Variants in HSPA12A observed in about 807,000 individuals in gnomAD.
HSPA12A encodes heat shock protein family A (Hsp70) member 12A.
In HSPA12A, 28 loss-of-function variants were observed where a neutral mutation model predicts 69.2. The observed-to-expected ratio is 0.40, with a 90% CI of 0.30 to 0.55. HSPA12A has a LOEUF of 0.55. HSPA12A is among the 20% of genes least tolerant of loss of function. The pLI is 0.38. For synonymous variants in HSPA12A, 345 were observed against 370.5 expected, an observed-to-expected ratio of 0.93 and a Z score of 0.79; for missense variants, 686 against 900.7, an observed-to-expected ratio of 0.76 and a Z score of 3.05.
chr10:116,840,210 T>C (rs1190784150), intron 1 of HSPA12A, among the ~76,000 whole-genome samples: 1 of 152,190 alleles, frequency 6.6e-6, no homozygotes, highest in Non-Finnish European at 1.5e-5. Context: ...TTTCCAACAT[T>C]CGGTTTATAA....
intron 5 of HSPA12A, among the ~76,000 whole-genome samples, chr10:116,696,599 G>C (rs1469296358): frequency 6.6e-6 from 1 of 152,096 alleles, no homozygotes; most frequent in African/African-American, 2.4e-5. Context: ...TTTATTAGCA[G>C]CATTAGAACA....
At chr10:116,677,981 ATTC>A (rs1849287434) in intron 10 of HSPA12A, among the ~76,000 whole-genome samples, 1 of 98,792 alleles carries the variant, frequency 1.0e-5, no homozygotes, top group Admixed American at 1.1e-4. Context: ...TAGGAAATTG[ATTC>A]TTTTTTTTTT....
intron 10 of HSPA12A, 27 bp downstream of exon 10, chr10:116,679,476 G>C: frequency 6.2e-7 from 1 of 1,608,434 alleles, no homozygotes; most frequent in South Asian, 1.1e-5. Flanking sequence ...AGAATGTCCA[G>C]AGCCCGAGGT....
Position 116,707,023 on chromosome 10 carries a change from T to C in HSPA12A, c.126+177A>G, listed in dbSNP as rs967842524. Among the ~76,000 whole-genome samples the C allele has an allele frequency of 2.6e-5, 4 of 152,342 alleles. 1 individual carries two copies. The South Asian group carries it at 8.3e-4, about 32-fold the overall frequency. ...GGGAAGGGGCTTGGCAGGGCTCCTTTGGCCAGGACCAGGTCAACTTAATCT... is the reference window on the plus strand; with the variant it reads ...GGGAAGGGGCTTGGCAGGGCTCCTTCGGCCAGGACCAGGTCAACTTAATCT... On this transcript the variant is annotated intron_variant, in intron 2 of 11. Transcript: ENST00000369209.
exon 1 of HSPA12A, chr10:116,849,600 A>AC: frequency 6.5e-7 from 1 of 1,548,538 alleles, no homozygotes; most frequent in Non-Finnish European, 8.7e-7. Context: ...CAGCTGTGGG[A>AC]CCACTAGGGA....
chr10:116,719,357 G>T (rs1850704770), intron 1 of HSPA12A, among the ~76,000 whole-genome samples: 1 of 152,188 alleles, frequency 6.6e-6, no homozygotes, highest in African/African-American at 2.4e-5. Flanking sequence ...ACGCACAGGG[G>T]CGTGAGGCCA....
intron 2 of HSPA12A, among the ~76,000 whole-genome samples, chr10:116,782,423 T>C (rs1638405): frequency 1 from 152,226 of 152,314 alleles, 76,069 homozygotes; most frequent in Non-Finnish European, 1. Flanking sequence ...CAGCGCTTTT[T>C]GTAACAACCA....
chr10:116,772,440 C>T (rs1844233634), intron 2 of HSPA12A, among the ~76,000 whole-genome samples: 2 of 152,138 alleles, frequency 1.3e-5, no homozygotes, highest in African/African-American at 2.4e-5. Context: ...GAGCTGCATG[C>T]CAGGCCCAAA....
chr10:116,726,027 G>GCACGCACACACACACA (rs1554884973), intron 1 of HSPA12A, among the ~76,000 whole-genome samples: 1 of 146,114 alleles, frequency 6.8e-6, no homozygotes, highest in Admixed American at 6.8e-5. Flanking sequence ...ACACACACAC[G>GCACGCACACACACACA]CACACACACA....
intron 2 of HSPA12A, among the ~76,000 whole-genome samples, chr10:116,760,983 G>A (rs538604302): frequency 7.2e-5 from 11 of 151,866 alleles, no homozygotes; most frequent in Middle Eastern, 3.2e-3. Context: ...CTAGATGTAC[G>A]TGGGGAAAAG....
At position 116,679,723 on chromosome 10, in the gene HSPA12A, C is replaced by T. The variant is rs781918083; in HGVS notation, c.1066G>A (p.Glu356Lys). Reference sequence around the variant, plus strand: ...CCAAATATTTTATACAGAAGTTTTTCGAACTCATAATCTACTCCTAAAGAT... The same window carrying T: ...CCAAATATTTTATACAGAAGTTTTTTGAACTCATAATCTACTCCTAAAGAT... Reference protein sequence around the residue: ...YGSLGVDYEFEKLLYKIFGED... With the variant: ...YGSLGVDYEFKKLLYKIFGED... Residue 356 changes from glutamate (E) to lysine (K), a missense_variant, in exon 10 of 12, where the codon GAA becomes AAA. Transcript: ENST00000369209. 2.5e-5 allele frequency: 41 copies of T among 1,613,966 alleles called. No homozygotes were observed. The South Asian group carries it at 2.7e-4, about 11-fold the overall frequency.
At chr10:116,744,825 T>C (rs1380292226), upstream of HSPA12A, among the ~76,000 whole-genome samples, 1 of 152,188 alleles carries the variant, frequency 6.6e-6, no homozygotes, top group Non-Finnish European at 1.5e-5. Context: ...CCTCTGGCCA[T>C]CAGCAGCAAG....
chr10:116,737,635 A>C (rs1851354329), intron 1 of HSPA12A, among the ~76,000 whole-genome samples: 1 of 152,230 alleles, frequency 6.6e-6, no homozygotes. Flanking sequence ...AAACCAGGAC[A>C]TATGGCCACC....
At chr10:116,825,235 C>G (rs1845481783) in intron 2 of HSPA12A, among the ~76,000 whole-genome samples, 1 of 150,788 alleles carries the variant, frequency 6.6e-6, no homozygotes, top group Non-Finnish European at 1.5e-5. Flanking sequence ...AGTGGCCGGG[C>G]GTGGTGGCTT....
chr10:116,732,605 A>G (rs1409761368), intron 1 of HSPA12A, among the ~76,000 whole-genome samples: 1 of 152,238 alleles, frequency 6.6e-6, no homozygotes, highest in Non-Finnish European at 1.5e-5. Flanking sequence ...CACACAAGAG[A>G]CTAGAAAAGA....
intron 1 of HSPA12A, among the ~76,000 whole-genome samples, chr10:116,724,328 T>C (rs1850879575): frequency 6.6e-6 from 1 of 152,234 alleles, no homozygotes; most frequent in South Asian, 2.1e-4. Flanking sequence ...GTTTCTGATA[T>C]ATTATATTTG....
At chr10:116,690,213 A>G (rs1301845357) in intron 6 of HSPA12A, among the ~76,000 whole-genome samples, 1 of 152,172 alleles carries the variant, frequency 6.6e-6, no homozygotes, top group Non-Finnish European at 1.5e-5. Flanking sequence ...AAGTCTGCAG[A>G]GCAACTGTGC....
chr10:116,825,753 G>A (rs1440183757), intron 2 of HSPA12A, among the ~76,000 whole-genome samples: 1 of 152,072 alleles, frequency 6.6e-6, no homozygotes, highest in Non-Finnish European at 1.5e-5. Flanking sequence ...TTCTTTTTGG[G>A]GTGATGAAAA....
At chr10:116,729,198 G>A (rs1851075805) in intron 1 of HSPA12A, among the ~76,000 whole-genome samples, 1 of 152,194 alleles carries the variant, frequency 6.6e-6, no homozygotes, top group South Asian at 2.1e-4. Context: ...GAGCCAATGA[G>A]GAGCACGCCG....
Sources: allele counts gnomAD v4.1 joint callset (sites outside exome capture counted in the v4.1 genomes callset), GRCh38; gene constraint gnomAD v4.1.1; transcripts MANE v1.5; gene names NCBI Gene and HGNC (gene_info 2026-07-23, HGNC 2026-07-21).